GPC6: variants seen among roughly 807,000 people sequenced by gnomAD.
GPC6 encodes the protein glypican 6, also known as glypican-6.
In GPC6, 14 loss-of-function variants were observed where a neutral mutation model predicts 55.2. The ratio of observed to expected loss-of-function variants is 0.25; its 90% CI spans 0.17 to 0.40. The LOEUF (loss-of-function observed/expected upper bound fraction) is 0.40. GPC6 is among the 10% of genes least tolerant of loss of function. The probability of loss-of-function intolerance (pLI) is 1.00; values close to 1 mark genes in which losing one functional copy is unlikely to be tolerated. For synonymous variants in GPC6, 278 were observed against 259.6 expected (o/e 1.07, Z -0.68); for missense variants, 641 against 708.5 (o/e 0.90, Z 1.08).
intron 7 of GPC6, among the ~76,000 whole-genome samples, chr13:94,396,135 C>G (rs1036643489): frequency 2.0e-5 from 3 of 152,210 alleles, no homozygotes; most frequent in South Asian, 2.1e-4. Flanking sequence ...GGGGCCCCCT[C>G]TCCTGTGGCC....
intron 1 of GPC6, among the ~76,000 whole-genome samples, chr13:93,380,873 T>C (rs542186398): frequency 6.6e-6 from 1 of 152,266 alleles, no homozygotes; most frequent in Admixed American, 6.5e-5. Flanking sequence ...CAGCAGGTAT[T>C]TATTGGTCCC....
At position 93,518,381 on chromosome 13, in the gene GPC6, C is replaced by T. The variant is rs571015911; in HGVS notation, c.161-26882C>T. On this transcript the variant is annotated intron_variant, in intron 1 of 8. Transcript: ENST00000377047. ...AATCTAGTTCCGTCAACTCTTCTTG[C>T]TTCTCCACTTTTCCAATCTGTTAGT... 4.6e-5 allele frequency among the ~76,000 whole-genome samples: 7 copies of T among 151,912 alleles called. No individual in the cohort carries two copies. In the South Asian group the frequency reaches 1.2e-3, roughly 27 times the overall value.
intron 3 of GPC6, among the ~76,000 whole-genome samples, chr13:93,952,700 TGA>T (rs1879305546): frequency 6.6e-6 from 1 of 151,300 alleles, no homozygotes; most frequent in Non-Finnish European, 1.5e-5. Context: ...AGTATGTGTG[TGA>T]GAGTATATAT....
chr13:93,986,032 C>A (rs372610054), intron 3 of GPC6, among the ~76,000 whole-genome samples: 1 of 151,936 alleles, frequency 6.6e-6, no homozygotes, highest in Admixed American at 6.6e-5. Context: ...TTTTTTGTTA[C>A]CGGATAGACA....
intron 4 of GPC6, among the ~76,000 whole-genome samples, chr13:94,141,541 T>C (rs1273516789): frequency 6.6e-6 from 1 of 152,158 alleles, no homozygotes; most frequent in East Asian, 1.9e-4. Flanking sequence ...ATGAGGCATG[T>C]CCCACCTCCC....
intron 3 of GPC6, among the ~76,000 whole-genome samples, chr13:93,896,333 A>T (rs930644301): frequency 2.6e-5 from 4 of 152,010 alleles, no homozygotes; most frequent in Non-Finnish European, 5.9e-5. Context: ...ACGTTTTTTC[A>T]CCTCTAAGTC....
chr13:94,371,516 T>C (rs4773787), intron 6 of GPC6, among the ~76,000 whole-genome samples: 32,794 of 152,056 alleles, frequency 0.22, 3,651 homozygotes, highest in South Asian at 0.34. Flanking sequence ...TGTTTCCTTT[T>C]TGTATAAGGG....
intron 4 of GPC6, among the ~76,000 whole-genome samples, chr13:94,059,014 C>G (rs188879830): frequency 2.0e-5 from 3 of 151,774 alleles, no homozygotes; most frequent in Admixed American, 6.6e-5. Context: ...TGGCTCAACT[C>G]TAGTGTTTAC....
chr13:93,682,611 T>G (rs2138767853), intron 2 of GPC6, among the ~76,000 whole-genome samples: 1 of 152,290 alleles, frequency 6.6e-6, no homozygotes, highest in African/African-American at 2.4e-5. Flanking sequence ...TTTCTGGTAC[T>G]AAGTAGTTCC....
intron 4 of GPC6, among the ~76,000 whole-genome samples, chr13:94,236,858 C>G (rs1332127083): frequency 6.6e-6 from 1 of 151,246 alleles, no homozygotes; most frequent in Admixed American, 6.6e-5. Context: ...TTGCTTTCCC[C>G]CAGGGATATG....
chr13:93,910,451 A>G (rs764202827), intron 3 of GPC6, among the ~76,000 whole-genome samples: 3 of 151,940 alleles, frequency 2.0e-5, no homozygotes, highest in Non-Finnish European at 2.9e-5. Flanking sequence ...AACTAATACA[A>G]TGTGTGTGTG....
chr13:93,933,331 G>A (rs547737422), intron 3 of GPC6, among the ~76,000 whole-genome samples: 7 of 152,188 alleles, frequency 4.6e-5, no homozygotes, highest in South Asian at 4.1e-4. Context: ...ACAATGCTGG[G>A]ATAGGCTCCT....
chr13:94,350,076 TGTGTGTGTGTGTGTGTTTATGTGTGCA>T (rs1035792785), intron 6 of GPC6, among the ~76,000 whole-genome samples: 3 of 125,224 alleles, frequency 2.4e-5, no homozygotes, highest in Non-Finnish European at 5.3e-5. Flanking sequence ...ATATATCTTT[TGTGTGTGTGTGTGTGTTTATGTGTGCA>T]GTGTGTGTGT....
At chr13:93,507,696 A>G (rs2139380117) in intron 1 of GPC6, among the ~76,000 whole-genome samples, 1 of 152,294 alleles carries the variant, frequency 6.6e-6, no homozygotes, top group South Asian at 2.1e-4. Flanking sequence ...AGGGTATAAA[A>G]AATTCTCAAA....
chr13:93,223,019 C>CTTTTTTTTTTTTTTTTT (rs3073915), upstream of GPC6, among the ~76,000 whole-genome samples: 2 of 100,814 alleles, frequency 2.0e-5, no homozygotes, highest in African/African-American at 7.6e-5. Flanking sequence ...AGGGAAAACA[C>CTTTTTTTTTTTTTTTTT]TTTTTTTTTT....
At chr13:93,401,932 T>C (rs1183340380) in intron 1 of GPC6, among the ~76,000 whole-genome samples, 1 of 152,116 alleles carries the variant, frequency 6.6e-6, no homozygotes, top group African/African-American at 2.4e-5. Flanking sequence ...TCTGAGTGTC[T>C]ACCGAGTGTC....
intron 2 of GPC6, among the ~76,000 whole-genome samples, chr13:93,800,507 A>T (rs1015288168): frequency 4.6e-5 from 7 of 152,186 alleles, no homozygotes; most frequent in African/African-American, 1.7e-4. Flanking sequence ...CCCAAAGAGA[A>T]AGGGAAACTG....
intron 5 of GPC6, among the ~76,000 whole-genome samples, chr13:94,290,449 A>C (rs933702451): frequency 7.1e-6 from 1 of 140,730 alleles, no homozygotes; most frequent in Non-Finnish European, 1.5e-5. Context: ...AAAAAAAAAA[A>C]GAAAAAGAAA....
At chr13:93,437,914 C>A (rs186858089) in intron 1 of GPC6, among the ~76,000 whole-genome samples, 1 of 152,254 alleles carries the variant, frequency 6.6e-6, no homozygotes, top group Non-Finnish European at 1.5e-5. Context: ...CAGGCTGACT[C>A]ATTTGTTAGG....
Sources: allele counts gnomAD v4.1 joint callset (sites outside exome capture counted in the v4.1 genomes callset), GRCh38; gene constraint gnomAD v4.1.1; transcripts MANE v1.5; gene names NCBI Gene and HGNC (gene_info 2026-07-23, HGNC 2026-07-21).